Variants in ZFAT observed in about 807,000 individuals in gnomAD.
The protein encoded by ZFAT is zinc finger protein ZFAT.
A neutral mutation model predicts 117.7 loss-of-function variants in ZFAT; 64 were observed. The observed-to-expected ratio is 0.54, with a 90% CI of 0.44 to 0.67. ZFAT has a LOEUF of 0.67. ZFAT is among the 30% of genes least tolerant of loss of function. The pLI, the probability that ZFAT is intolerant of heterozygous loss-of-function variation, is 0.00. For synonymous variants in ZFAT, 679 were observed against 615.0 expected, an observed-to-expected ratio of 1.10 and a Z score of -1.54; for missense variants, 1,433 against 1,584.5, an observed-to-expected ratio of 0.90 and a Z score of 1.62.
At chr8:134,578,000 A>G (rs1014422066) in intron 10 of ZFAT, among the ~76,000 whole-genome samples, 3 of 152,006 alleles carry the variant, frequency 2.0e-5, no homozygotes, top group African/African-American at 7.2e-5. Flanking sequence ...ACTCGTCAAT[A>G]AAGACCTCCA....
the ZFAT span, among the ~76,000 whole-genome samples, chr8:134,791,745 C>A: frequency 6.6e-6 from 1 of 152,154 alleles, no homozygotes; most frequent in African/African-American, 2.4e-5. Flanking sequence ...TGATTTTGCT[C>A]AGTGACAATA....
the ZFAT span, among the ~76,000 whole-genome samples, chr8:134,749,715 T>C: frequency 6.6e-6 from 1 of 152,244 alleles, no homozygotes; most frequent in African/African-American, 2.4e-5. Flanking sequence ...TTTCCGGTTG[T>C]TCCATTATTA....
At chr8:134,754,453 A>G in the ZFAT span, among the ~76,000 whole-genome samples, 2 of 152,248 alleles carry the variant, frequency 1.3e-5, no homozygotes, top group African/African-American at 2.4e-5. Context: ...TCCAGTCAGT[A>G]TACAGCATGG....
chr8:134,556,103 A>G (rs189658438), intron 11 of ZFAT, among the ~76,000 whole-genome samples: 10 of 151,802 alleles, frequency 6.6e-5, no homozygotes, highest in Non-Finnish European at 1.3e-4. Context: ...AAAGAAAAGG[A>G]AAAGAAAAAG....
At chr8:134,664,279 G>A (rs962687506) in intron 1 of ZFAT, among the ~76,000 whole-genome samples, 4 of 152,048 alleles carry the variant, frequency 2.6e-5, no homozygotes, top group South Asian at 2.1e-4. Flanking sequence ...AGCAGAACCC[G>A]GATCTCCCTG....
intron 15 of ZFAT, among the ~76,000 whole-genome samples, chr8:134,495,483 T>C (rs1818367657): frequency 6.6e-6 from 1 of 152,198 alleles, no homozygotes; most frequent in African/African-American, 2.4e-5. Context: ...CGGTTCATCA[T>C]CATGCCTCCC....
intron 12 of ZFAT, among the ~76,000 whole-genome samples, chr8:134,528,749 A>T (rs1487501514): frequency 6.6e-6 from 1 of 152,188 alleles, no homozygotes; most frequent in African/African-American, 2.4e-5. Flanking sequence ...GGCACAGCTG[A>T]AGGGGATGTA....
intron 2 of ZFAT, among the ~76,000 whole-genome samples, chr8:134,637,956 G>T (rs112390523): frequency 9.3e-4 from 142 of 152,220 alleles, no homozygotes; most frequent in Middle Eastern, 6.8e-3. Flanking sequence ...TATCAGCATC[G>T]CTGTACATCT....
In ZFAT at chr8:134,489,720, C is replaced by A. The variant is rs1308118115; in HGVS notation, c.3493-10999G>T. 2.2e-4 allele frequency among the ~76,000 whole-genome samples: 34 copies of A among 152,200 alleles called. 1 individual carries two copies. Among genetic ancestry groups the A allele is most frequent in the Admixed American group, 2.2e-3 (34 of 15,282 alleles). Reference sequence around the variant, plus strand: ...GCTTCAAATATTGTCTTCAGGCTGACAACTCCCAAATGTATGTCTAGACCA... The same window carrying A: ...GCTTCAAATATTGTCTTCAGGCTGAAAACTCCCAAATGTATGTCTAGACCA... On this transcript the variant is annotated intron_variant, in intron 15 of 15. Coordinates refer to ENST00000377838, the MANE Select transcript of ZFAT (RefSeq NM_020863.4).
At chr8:134,678,300 TAACA>T (rs1413738826) in intron 1 of ZFAT, among the ~76,000 whole-genome samples, 2 of 151,260 alleles carry the variant, frequency 1.3e-5, no homozygotes, top group East Asian at 1.9e-4. Flanking sequence ...TATACACCAG[TAACA>T]AACAGAGAGC....
the ZFAT span, among the ~76,000 whole-genome samples, chr8:134,807,833 CAAAAAG>C: frequency 6.6e-6 from 1 of 151,630 alleles, no homozygotes; most frequent in Non-Finnish European, 1.5e-5. Flanking sequence ...AGAGCAGAGA[CAAAAAG>C]AAAAAGAAAA....
rs71896151 is a variant in ZFAT, at chr8:134,587,521, CCTAA to C, written c.2713+721_2713+724del. ...TTTCCTATCTGCAGCATTCCAGGTT[CCTAA>C]CTAACAGGCAGGGACCTGATGCAGG... On this transcript the variant is annotated intron_variant, in intron 9 of 15. Coordinates refer to ENST00000377838, the MANE Select transcript of ZFAT (RefSeq NM_020863.4). Among the ~76,000 whole-genome samples, 1,305 of 152,282 alleles carry C rather than the reference CCTAA, an allele frequency of 8.6e-3. 15 individuals are homozygous for C. The highest frequency in any genetic ancestry group is 0.03 in the African/African-American group (1,228 of 41,550).
chr8:134,820,731 C>T, the ZFAT span, among the ~76,000 whole-genome samples: 1 of 152,148 alleles, frequency 6.6e-6, no homozygotes, highest in African/African-American at 2.4e-5. Context: ...CTGATGTCAA[C>T]AGAATAAGAA....
chr8:134,499,894 A>T (rs1369026428), intron 15 of ZFAT, among the ~76,000 whole-genome samples: 1 of 152,216 alleles, frequency 6.6e-6, no homozygotes, highest in African/African-American at 2.4e-5. Context: ...GCCCTCCACC[A>T]GCTGGGGACA....
At chr8:134,780,196 T>C in the ZFAT span, among the ~76,000 whole-genome samples, 1 of 152,232 alleles carries the variant, frequency 6.6e-6, no homozygotes, top group African/African-American at 2.4e-5. Flanking sequence ...GTTTCTTCAA[T>C]TCTACATGCT....
chr8:134,678,000 G>A (rs887467286), intron 1 of ZFAT, among the ~76,000 whole-genome samples: 4 of 152,166 alleles, frequency 2.6e-5, no homozygotes, highest in African/African-American at 9.7e-5. Context: ...CGTATTGAAT[G>A]GGCAAAAACT....
chr8:134,608,916 C>T, intron 4 of ZFAT, 37 bp from the exon 5 acceptor site: 2 of 1,586,130 alleles, frequency 1.3e-6, no homozygotes, highest in Non-Finnish European at 1.7e-6. Context: ...TATTGAGAGG[C>T]ATCGAAAGTG....
chr8:134,636,738 GC>G (rs1246066149), intron 3 of ZFAT, among the ~76,000 whole-genome samples: 8 of 152,186 alleles, frequency 5.3e-5, no homozygotes, highest in Admixed American at 3.9e-4. Context: ...CTCCAGCGTA[GC>G]CTTGCTATTT....
chr8:134,675,491 A>T (rs1236173583), intron 1 of ZFAT, among the ~76,000 whole-genome samples: 1 of 152,226 alleles, frequency 6.6e-6, no homozygotes, highest in Admixed American at 6.5e-5. Context: ...GGTATACCTG[A>T]AAGTGATAGA....
Sources: allele counts gnomAD v4.1 joint callset (sites outside exome capture counted in the v4.1 genomes callset), GRCh38; gene constraint gnomAD v4.1.1; transcripts MANE v1.5; gene names NCBI Gene and HGNC (gene_info 2026-07-23, HGNC 2026-07-21).